Variants in EIPR1 observed in about 807,000 individuals in gnomAD.
EIPR1 encodes the protein EARP and GARP complex-interacting protein 1.
Under a neutral mutation model 48.1 loss-of-function variants are expected in EIPR1, and 25 were observed. The ratio of observed to expected loss-of-function variants is 0.52; its 90% CI spans 0.38 to 0.73. The LOEUF is 0.73. EIPR1 is among the 30% of genes least tolerant of loss of function. The probability of loss-of-function intolerance (pLI) is 0.00; values close to 1 mark genes in which losing one functional copy is unlikely to be tolerated. For missense variants in EIPR1, 415 were observed against 506.2 expected (o/e 0.82, Z 1.73); for synonymous variants, 204 against 201.9 (o/e 1.01, Z -0.09).
At chr2:3,339,948 TCAA>T (rs1312196128) in intron 2 of EIPR1, among the ~76,000 whole-genome samples, 1 of 152,212 alleles carries the variant, frequency 6.6e-6, no homozygotes, top group South Asian at 2.1e-4. Context: ...AGACTCCGTC[TCAA>T]CAACAACAAA....
intron 2 of EIPR1, among the ~76,000 whole-genome samples, chr2:3,351,004 ATTTT>A (rs71396979): frequency 7.4e-6 from 1 of 135,314 alleles, no homozygotes; most frequent in African/African-American, 2.7e-5. Flanking sequence ...ATTTTGGGCG[ATTTT>A]TTTTTTTTTA....
chr2:3,195,822 G>C (rs1457675599), intron 6 of EIPR1, among the ~76,000 whole-genome samples: 2 of 152,178 alleles, frequency 1.3e-5, no homozygotes, highest in East Asian at 3.8e-4. Context: ...CCTCTGTGCT[G>C]CGCTGGCACG....
At chr2:3,208,394 G>A (rs190585090) in intron 5 of EIPR1, 6 of 1,417,758 alleles carry the variant, frequency 4.2e-6, no homozygotes, top group Middle Eastern at 5.0e-4. Context: ...CTGACCCACA[G>A]CCCCAGATCT....
At chr2:3,376,284 C>T (rs560111213) in intron 1 of EIPR1, among the ~76,000 whole-genome samples, 24 of 152,070 alleles carry the variant, frequency 1.6e-4, no homozygotes, top group East Asian at 1.2e-3. Context: ...GCAAGGAAAC[C>T]GAGGCCCAAG....
At chr2:3,194,870 A>G (rs1303003371) in intron 6 of EIPR1, among the ~76,000 whole-genome samples, 3 of 152,192 alleles carry the variant, frequency 2.0e-5, no homozygotes, top group South Asian at 2.1e-4. Flanking sequence ...CTCCAGGTCC[A>G]ACACTGCTGG....
intron 8 of EIPR1, among the ~76,000 whole-genome samples, chr2:3,190,419 A>C (rs1347864514): frequency 6.6e-6 from 1 of 152,244 alleles, no homozygotes; most frequent in East Asian, 1.9e-4. Flanking sequence ...CTGGCTTCCC[A>C]CAAAGTGGAC....
At chr2:3,295,390 T>C (rs1315619852) in intron 3 of EIPR1, among the ~76,000 whole-genome samples, 1 of 71,284 alleles carries the variant, frequency 1.4e-5, no homozygotes, top group East Asian at 4.7e-4. Flanking sequence ...ATCCAGGCTA[T>C]CCTCTCTACA....
At chr2:3,322,327 T>C (rs968771179) in intron 3 of EIPR1, among the ~76,000 whole-genome samples, 2 of 152,198 alleles carry the variant, frequency 1.3e-5, no homozygotes, top group Admixed American at 1.3e-4. Flanking sequence ...GACTGAGTCT[T>C]CTCATCTCTC....
intron 3 of EIPR1, among the ~76,000 whole-genome samples, chr2:3,295,458 T>C (rs1572407730): frequency 1.4e-5 from 1 of 71,972 alleles, no homozygotes; most frequent in Non-Finnish European, 2.6e-5. Flanking sequence ...ATCCAGCCCA[T>C]CCTCTCTCTA....
At chr2:3,354,326 G>A (rs535381557) in intron 2 of EIPR1, among the ~76,000 whole-genome samples, 6 of 152,272 alleles carry the variant, frequency 3.9e-5, no homozygotes, top group East Asian at 3.9e-4. Context: ...ACAAGACTAC[G>A]GAAGTCATGC....
intron 3 of EIPR1, among the ~76,000 whole-genome samples, chr2:3,264,526 G>C (rs1667428965): frequency 6.6e-6 from 1 of 152,220 alleles, no homozygotes; most frequent in Non-Finnish European, 1.5e-5. Flanking sequence ...AAGTGTCAAA[G>C]GCAGGGGCCA....
chr2:3,238,788 T>C (rs6548141), intron 4 of EIPR1, among the ~76,000 whole-genome samples: 139,287 of 152,304 alleles, frequency 0.91, 64,181 homozygotes, highest in East Asian at 0.98. Flanking sequence ...AGAGGCCAAC[T>C]GGCCACATCA....
intron 3 of EIPR1, among the ~76,000 whole-genome samples, chr2:3,309,007 A>T (rs1669040225): frequency 6.6e-6 from 1 of 152,230 alleles, no homozygotes; most frequent in Non-Finnish European, 1.5e-5. Flanking sequence ...TTTCAAACGG[A>T]AAGAAATTAT....
intron 6 of EIPR1, among the ~76,000 whole-genome samples, chr2:3,195,935 G>A (rs758039418): frequency 1.9e-4 from 29 of 152,194 alleles, no homozygotes; most frequent in South Asian, 2.1e-4. Context: ...GGTCTGTAAC[G>A]TCAGTCTTTG....
chr2:3,291,252 T>C (rs1390942798), intron 3 of EIPR1, among the ~76,000 whole-genome samples: 1 of 152,156 alleles, frequency 6.6e-6, no homozygotes, highest in Non-Finnish European at 1.5e-5. Context: ...AGGACACACA[T>C]CAGCACAAAG....
At position 3,189,802 on chromosome 2, in the gene EIPR1, G is replaced by A. The variant is rs541237615; in HGVS notation, c.990-294C>T. On this transcript the variant is annotated intron_variant, in intron 8 of 8. Coordinates refer to ENST00000382125, the MANE Select transcript of EIPR1 (RefSeq NM_003310.5). The surrounding 1 kb of genome is among the most constrained non-coding windows in gnomAD (Gnocchi z 4.6). ...TTGGTTTCTTCTGTCCTTGGCCCCC[G>A]GGTGCCTGGGTTGATATTTTGTTGG... Among the ~76,000 whole-genome samples the A allele has an allele frequency of 1.9e-3, 282 of 152,290 alleles. No homozygotes were observed. Among genetic ancestry groups the A allele is most frequent in the Middle Eastern group, 3.4e-3 (1 of 294 alleles).
intron 4 of EIPR1, among the ~76,000 whole-genome samples, chr2:3,233,899 AGCAGGTGTCAG>A (rs1196297665): frequency 6.6e-6 from 1 of 152,216 alleles, no homozygotes; most frequent in Non-Finnish European, 1.5e-5. Flanking sequence ...CAGCACCCTG[AGCAGGTGTCAG>A]GCTTTCTCTA....
At chr2:3,259,239 A>T (rs1311072775) in intron 3 of EIPR1, among the ~76,000 whole-genome samples, 1 of 152,196 alleles carries the variant, frequency 6.6e-6, no homozygotes, top group African/African-American at 2.4e-5. Context: ...AAAGGCAGGG[A>T]ATAGTAAAAA....
At chr2:3,334,062 C>G (rs748647770) in intron 3 of EIPR1, among the ~76,000 whole-genome samples, 2 of 152,128 alleles carry the variant, frequency 1.3e-5, no homozygotes, top group Non-Finnish European at 2.9e-5. Context: ...TACAAAAGAG[C>G]AACAACAAAG....
Sources: gnomAD v4.1 joint callset for allele counts (sites outside exome capture counted in the v4.1 genomes callset) on GRCh38, gnomAD v4.1.1 for gene constraint, Gnocchi (gnomAD v3.1) non-coding constraint, MANE v1.5 for transcripts, NCBI Gene and HGNC (gene_info 2026-07-23, HGNC 2026-07-21) for gene names.